The following CPT2 variants were observed in gnomAD, a reference collection of about 807,000 sequenced individuals.
CPT2 encodes carnitine palmitoyltransferase 2, also known as carnitine O-palmitoyltransferase 2, mitochondrial.
CPT2 carries 37 observed loss-of-function variants against 48.6 expected under a neutral mutation model. The observed-to-expected ratio is 0.76, with a 90% CI of 0.59 to 1.00. CPT2 has a LOEUF of 1.00. Ranked by LOEUF, CPT2 falls within the 50% of genes least tolerant of loss-of-function variation. The pLI is 0.00. For synonymous variants in CPT2, 319 were observed against 326.9 expected (o/e 0.98, Z 0.26); for missense variants, 772 against 825.6 (o/e 0.94, Z 0.80).
rs754465211 is a variant in CPT2 at position 53,211,348 on chromosome 1, G to C, written c.1645+29G>C. The C allele has an allele frequency of 1.1e-5, 17 of 1,561,022 alleles. No individual in the cohort carries two copies. The South Asian group carries it at 2.0e-4, about 18-fold the overall frequency. ...AGGCAGGGGTGGGGAGCATGCCCTT[G>C]GGTCTTGTCCTCAGTGCTTGGGTAA... On this transcript the variant is annotated intron_variant, in intron 4 of 4. Coordinates refer to ENST00000371486, the MANE Select transcript of CPT2 (RefSeq NM_000098.3).
At chr1:53,211,383 A>T in intron 4 of CPT2, 64 bp downstream of exon 4, 4 of 1,428,360 alleles carry the variant, frequency 2.8e-6, no homozygotes, top group Non-Finnish European at 3.8e-6. Flanking sequence ...AGCAAGCCTA[A>T]ATCATTCTAC....
At position 53,210,491 on chromosome 1, in the gene CPT2, C is replaced by T; in HGVS notation, c.817C>T (p.Leu273=). 6.2e-7 allele frequency: 1 copy of T among 1,614,118 alleles called. No individual in the cohort carries two copies. Among genetic ancestry groups the T allele is most frequent in the Non-Finnish European group, 8.5e-7 (1 of 1,180,028 alleles). The change falls in exon 4 of 5, where the codon CTG becomes TTG. Residue 273 remains leucine, a synonymous_variant. Transcript: ENST00000371486. ...GAGCCCCTCGGAAATCCAGGCACATCTGAAGTACATTCTCTCAGACAGCAG... is the reference window on the plus strand; with the variant it reads ...GAGCCCCTCGGAAATCCAGGCACATTTGAAGTACATTCTCTCAGACAGCAG... The part of the protein sequence containing the change: ...IVSPSEIQAH[L]KYILSDSSPA...
chr1:53,202,170 C>T, intron 2 of CPT2, 153 bp from the exon 3 acceptor site: 1 of 663,274 alleles, frequency 1.5e-6, no homozygotes, highest in Non-Finnish European at 2.8e-6. Context: ...TAGATTGATT[C>T]CTGTTCTGGT....
At chr1:53,209,776 C>CA (rs1027653748) in intron 3 of CPT2, 5 of 520,258 alleles carry the variant, frequency 9.6e-6, no homozygotes, top group East Asian at 3.5e-5. Context: ...GCCTCCGTCC[C>CA]AAAAAAACAA....
chr1:53,212,205 C>T (rs1001275574), intron 4 of CPT2, among the ~76,000 whole-genome samples: 3 of 151,868 alleles, frequency 2.0e-5, no homozygotes, highest in Non-Finnish European at 4.4e-5. Context: ...GTTGGGACTA[C>T]AGGCTTATGC....
chr1:53,209,128 A>C (rs750191572), intron 3 of CPT2: 1 of 152,218 alleles, frequency 6.6e-6, no homozygotes, highest in South Asian at 2.1e-4. Context: ...TAAGAGGCTG[A>C]GGTGAGAGGA....
At position 53,213,910 on chromosome 1, in the gene CPT2, A is replaced by G; in HGVS notation, c.*315A>G. On this transcript the variant is annotated 3_prime_UTR_variant, in exon 5 of 5. Coordinates refer to ENST00000371486, the MANE Select transcript of CPT2 (RefSeq NM_000098.3). ...CACTGCACTCCGGCCTGGGCGACAG[A>G]GCGAGACTGTCTCAAAAAAACAAAA... 2 of 337,832 alleles carry G rather than the reference A, an allele frequency of 5.9e-6. No individual in the cohort carries two copies. The highest frequency in any genetic ancestry group is 1.1e-5 in the Non-Finnish European group (2 of 179,388). 20.9% of individuals were successfully genotyped at this position (337,832 alleles called of 1,614,324 possible). A position where few individuals can be genotyped will look rare whatever the true frequency, so the allele number is the denominator to read the frequency against.
intron 3 of CPT2, 91 bp downstream of exon 3, chr1:53,202,520 AT>A: frequency 9.2e-7 from 1 of 1,085,556 alleles, no homozygotes; most frequent in Non-Finnish European, 1.4e-6. Flanking sequence ...TCTCAGAGAT[AT>A]TTTTGGTGAG....
intron 1 of CPT2, among the ~76,000 whole-genome samples, chr1:53,199,591 T>TC: frequency 6.6e-6 from 1 of 152,216 alleles, no homozygotes; most frequent in East Asian, 1.9e-4. Context: ...TCATGAATAT[T>TC]CCTACTGTAA....
chr1:53,197,276 C>G (rs1645329694), intron 1 of CPT2, 181 bp downstream of exon 1: 1 of 733,498 alleles, frequency 1.4e-6, no homozygotes, highest in East Asian at 2.7e-5. Context: ...AGCACAGGAA[C>G]CTCAGAACCC....
In CPT2 at chr1:53,197,065, C is replaced by T. The variant is rs760976212; in HGVS notation, c.122C>T (p.Pro41Leu). The stretch of plus-strand genomic sequence containing the variant: ...CAGTACCTGCAGCGCAGCATCGTGC[C>T]CACCATGCACTACCAGGACAGCCTG... ...PGQYLQRSIVPTMHYQDSLPR... is the reference protein window; with the variant it reads ...PGQYLQRSIVLTMHYQDSLPR... Residue 41 changes from proline to leucine, a missense_variant, in exon 1 of 5, where the codon CCC becomes CTC. By Grantham distance (98) the Pro-to-Leu change is moderately conservative (BLOSUM62 -3). Transcript: ENST00000371486. The T allele has an allele frequency of 1.2e-5, 19 of 1,539,286 alleles. No individual in the cohort carries two copies. The highest frequency in any genetic ancestry group is 1.7e-5 in the Non-Finnish European group (19 of 1,146,472).
Position 53,209,998 on chromosome 1 carries a change from TTC to T in CPT2, c.341-15_341-14del. Reference sequence around the variant, plus strand: ...AGCATTAACATTTTATGTTATTTTTTTCTTTTTATTTTTTAGGACCCTGGTTT... The same window carrying T: ...AGCATTAACATTTTATGTTATTTTTTTTTTTATTTTTTAGGACCCTGGTTT... On this transcript the variant is annotated splice_polypyrimidine_tract_variant and intron_variant, in intron 3 of 4. Transcript: ENST00000371486. 1 of 1,602,042 alleles carries T rather than the reference TTC, an allele frequency of 6.2e-7. No individual in the cohort carries two copies. The highest frequency in any genetic ancestry group is 1.3e-5 in the African/African-American group (1 of 74,706).
chr1:53,201,266 T>C, intron 2 of CPT2: 2 of 237,186 alleles, frequency 8.4e-6, no homozygotes, highest in Non-Finnish European at 1.7e-5. Context: ...CAGATGTAAT[T>C]AGTTAAGATG....
At chr1:53,197,291 A>C in intron 1 of CPT2, 196 bp downstream of exon 1, 1 of 689,996 alleles carries the variant, frequency 1.4e-6, no homozygotes, top group Non-Finnish European at 2.5e-6. Context: ...GAACCCTCAA[A>C]TTCTCTTCCA....
At chr1:53,198,457 C>T (rs1007109460) in intron 1 of CPT2, among the ~76,000 whole-genome samples, 11 of 152,194 alleles carry the variant, frequency 7.2e-5, no homozygotes, top group African/African-American at 1.7e-4. Context: ...ATTATCTACA[C>T]GTGGCAGGAG....
intron 3 of CPT2, among the ~76,000 whole-genome samples, chr1:53,204,811 C>G (rs1251657797): frequency 6.6e-6 from 1 of 152,136 alleles, no homozygotes. Flanking sequence ...TTCAGCAGTT[C>G]CCCCACTTGT....
chr1:53,211,400 T>C, intron 4 of CPT2, 81 bp downstream of exon 4: 7 of 1,374,346 alleles, frequency 5.1e-6, no homozygotes, highest in Non-Finnish European at 7.0e-6. Flanking sequence ...CTACTCCAAA[T>C]CTGATTTCTA....
At chr1:53,206,728 T>C (rs1339652693) in intron 3 of CPT2, among the ~76,000 whole-genome samples, 1 of 152,252 alleles carries the variant, frequency 6.6e-6, no homozygotes, top group Non-Finnish European at 1.5e-5. Flanking sequence ...CAGTGTATCT[T>C]GAAAATAACT....
At chr1:53,204,613 C>T in intron 3 of CPT2, among the ~76,000 whole-genome samples, 1 of 152,132 alleles carries the variant, frequency 6.6e-6, no homozygotes, top group Admixed American at 6.5e-5. Context: ...TTGTCAGTTA[C>T]AGGCTTTGCT....
Sources: gnomAD v4.1 joint callset for allele counts (sites outside exome capture counted in the v4.1 genomes callset) on GRCh38, gnomAD v4.1.1 for gene constraint, MANE v1.5 for transcripts, NCBI Gene and HGNC (gene_info 2026-07-23, HGNC 2026-07-21) for gene names.